SYT16: variants seen among roughly 807,000 people sequenced by gnomAD.
SYT16 encodes synaptotagmin-16.
In SYT16, 42 loss-of-function variants were observed where a neutral mutation model predicts 61.4. The observed-to-expected ratio is 0.68, with a 90% CI of 0.53 to 0.89. The LOEUF (loss-of-function observed/expected upper bound fraction) is 0.89. SYT16 is among the 40% of genes least tolerant of loss of function. The probability of loss-of-function intolerance (pLI) is 0.00; values close to 1 mark genes in which losing one functional copy is unlikely to be tolerated. For synonymous variants in SYT16, 314 were observed against 302.3 expected (o/e 1.04, Z -0.40); for missense variants, 804 against 807.3 (o/e 1.00, Z 0.05).
At chr14:62,084,108 A>G in intron 6 of SYT16, 88 bp from the exon 7 acceptor site, 1 of 1,481,206 alleles carries the variant, frequency 6.8e-7, no homozygotes, top group South Asian at 1.3e-5. Context: ...GGATTGGGTC[A>G]CAATTTCACC....
chr14:62,078,605 A>G (rs1321491212), intron 5 of SYT16, among the ~76,000 whole-genome samples: 1 of 152,222 alleles, frequency 6.6e-6, no homozygotes, highest in Admixed American at 6.5e-5. Context: ...AAGGCAGGGA[A>G]GAAGGGAGGT....
chr14:61,968,098 T>C (rs2051390189), intron 1 of SYT16, among the ~76,000 whole-genome samples: 1 of 151,956 alleles, frequency 6.6e-6, no homozygotes, highest in Non-Finnish European at 1.5e-5. Context: ...CCGTCTCTAC[T>C]AAAAATACCA....
chr14:61,812,712 G>A lies in SYT16; in HGVS notation c.-423G>A, dbSNP rs1256274634. 6.7e-6 allele frequency: 1 copy of A among 148,298 alleles called. No homozygotes were observed. Among genetic ancestry groups the A allele is most frequent in the Non-Finnish European group, 1.5e-5 (1 of 66,808 alleles). 9.2% of individuals were successfully genotyped at this position (148,298 alleles called of 1,614,324 possible). A position where few individuals can be genotyped will look rare whatever the true frequency, so the allele number is the denominator to read the frequency against. The stretch of plus-strand genomic sequence containing the variant: ...GCGCGGCGCGGCCCCCGAGCGCACC[G>A]GGCCTGCCGAGGAGCGCGCGCCCGG... On this transcript the variant is annotated 5_prime_UTR_variant, in exon 1 of 8. Transcript: ENST00000683842.
intron 1 of SYT16, among the ~76,000 whole-genome samples, chr14:61,854,612 C>T (rs1232061509): frequency 2.6e-4 from 39 of 152,170 alleles, no homozygotes; most frequent in Admixed American, 2.6e-3. Context: ...GGGAGTCCTT[C>T]TTGTGCATTT....
chr14:61,875,857 T>C (rs1044537484), intron 1 of SYT16, among the ~76,000 whole-genome samples: 4 of 152,174 alleles, frequency 2.6e-5, no homozygotes, highest in Admixed American at 2.6e-4. Context: ...TATGTCTGAT[T>C]GGTGGTGTCT....
intron 2 of SYT16, among the ~76,000 whole-genome samples, chr14:61,971,538 G>A (rs1412238845): frequency 6.6e-6 from 1 of 152,222 alleles, no homozygotes; most frequent in Non-Finnish European, 1.5e-5. Context: ...GAGAAAGCAA[G>A]GAGCCACTGC....
chr14:61,820,219 G>A (rs549990633), intron 1 of SYT16, among the ~76,000 whole-genome samples: 1 of 152,300 alleles, frequency 6.6e-6, no homozygotes, highest in South Asian at 2.1e-4. Context: ...AAGTGTACTT[G>A]TACCATGAGC....
intron 1 of SYT16, among the ~76,000 whole-genome samples, chr14:61,864,453 G>A (rs912348894): frequency 3.3e-5 from 5 of 152,256 alleles, no homozygotes; most frequent in African/African-American, 9.6e-5. Context: ...CGTGGGCTGC[G>A]GTGGGCTCCG....
chr14:61,969,650 G>C (rs1184725519), intron 1 of SYT16, among the ~76,000 whole-genome samples: 1 of 152,178 alleles, frequency 6.6e-6, no homozygotes. Context: ...TCCAGGAAAT[G>C]ACTTTCCCTC....
At chr14:61,904,976 T>G (rs2048650084) in intron 1 of SYT16, among the ~76,000 whole-genome samples, 1 of 152,228 alleles carries the variant, frequency 6.6e-6, no homozygotes, top group South Asian at 2.1e-4. Flanking sequence ...CATTTTCTTA[T>G]GTGGCCTAAA....
intron 1 of SYT16, among the ~76,000 whole-genome samples, chr14:61,926,165 CA>C (rs1028009012): frequency 5.3e-5 from 8 of 151,956 alleles, no homozygotes; most frequent in Admixed American, 5.2e-4. Context: ...TTGTGACTTC[CA>C]AAAAAATCTA....
At chr14:61,877,924 C>T (rs1345584378) in intron 1 of SYT16, among the ~76,000 whole-genome samples, 1 of 152,136 alleles carries the variant, frequency 6.6e-6, no homozygotes, top group East Asian at 1.9e-4. Flanking sequence ...TCTGACTAAG[C>T]AGGGTGATAA....
chr14:61,996,307 T>A lies in SYT16; in HGVS notation c.288T>A (p.Ser96Arg), dbSNP rs1435606166. Residue 96 changes from serine to arginine, a missense_variant, in exon 3 of 8, where the codon AGT becomes AGA. By Grantham distance (110) the Ser-to-Arg change is moderately radical. Transcript: ENST00000683842. ...TGGATCATTTCTCATGTTGTAATAG[T>A]GATTTGCAGGACTCTGCCCAAAATT... Reference protein sequence around the residue: ...LEVDHFSCCNSDLQDSAQNSS... With the variant: ...LEVDHFSCCNRDLQDSAQNSS... 3 of 1,613,470 alleles carry A rather than the reference T, an allele frequency of 1.9e-6. No individual in the cohort carries two copies. Among genetic ancestry groups the A allele is most frequent in the Non-Finnish European group, 2.5e-6 (3 of 1,179,570 alleles).
intron 3 of SYT16, among the ~76,000 whole-genome samples, chr14:62,066,429 C>A (rs2056064379): frequency 6.6e-6 from 1 of 152,182 alleles, no homozygotes; most frequent in Non-Finnish European, 1.5e-5. Context: ...GTGTGTCGGG[C>A]ACTTATGACA....
intron 4 of SYT16, among the ~76,000 whole-genome samples, chr14:62,074,029 G>A (rs1045668189): frequency 6.6e-6 from 1 of 152,148 alleles, no homozygotes; most frequent in Non-Finnish European, 1.5e-5. Context: ...CCCTTGTCCT[G>A]TCTACATCTC....
chr14:61,818,613 G>A (rs559005506), intron 1 of SYT16, among the ~76,000 whole-genome samples: 1 of 151,364 alleles, frequency 6.6e-6, no homozygotes, highest in Non-Finnish European at 1.5e-5. Flanking sequence ...GGGAGGCGGA[G>A]GTTGCAGTGA....
intron 1 of SYT16, chr14:61,865,127 T>C: frequency 7.7e-7 from 1 of 1,305,266 alleles, no homozygotes; most frequent in Non-Finnish European, 1.1e-6. Context: ...CTTCTGTGGC[T>C]CCTCAGCCAC....
At chr14:62,045,094 C>T (rs539549870) in intron 3 of SYT16, among the ~76,000 whole-genome samples, 19 of 152,004 alleles carry the variant, frequency 1.2e-4, no homozygotes, top group South Asian at 2.1e-4. Flanking sequence ...GCCAAGATTG[C>T]GCCATTACAC....
rs138760201 is a variant in SYT16 at position 62,043,702 on chromosome 14, C to T, written c.524-25901C>T. The stretch of plus-strand genomic sequence containing the variant: ...GATTACAGGCATGAGCCACCGCGCC[C>T]AGCCTTGATGTTGAAGTTTTTAAAA... On this transcript the variant is annotated intron_variant, in intron 3 of 7. Transcript: ENST00000683842. Among the ~76,000 whole-genome samples, 996 of 146,794 alleles carry T rather than the reference C, an allele frequency of 6.8e-3. 11 individuals carry two copies. Among genetic ancestry groups the T allele is most frequent in the African/African-American group, 0.024 (945 of 39,714 alleles).
Sources: gnomAD v4.1 joint callset for allele counts (sites outside exome capture counted in the v4.1 genomes callset) on GRCh38, gnomAD v4.1.1 for gene constraint, MANE v1.5 for transcripts, NCBI Gene and HGNC (gene_info 2026-07-23, HGNC 2026-07-21) for gene names.